The following TTC28 variants were observed in gnomAD, a reference collection of about 807,000 sequenced individuals.
TTC28 encodes the protein tetratricopeptide repeat protein 28.
A neutral mutation model predicts 198.0 loss-of-function variants in TTC28; 61 were observed. That is an observed-to-expected ratio of 0.31 (90% CI 0.25 to 0.38). The LOEUF is 0.38. Among genes scored for constraint, TTC28 ranks in the 10% least tolerant of loss-of-function variants. The pLI, the probability that TTC28 is intolerant of heterozygous loss-of-function variation, is 1.00. For missense variants in TTC28, 2,678 were observed against 3,164.0 expected (o/e 0.85, Z 3.69); for synonymous variants, 1,171 against 1,297.8 (o/e 0.90, Z 2.10).
At chr22:27,987,543 G>GT (rs1937254786) in intron 21 of TTC28, among the ~76,000 whole-genome samples, 1 of 152,202 alleles carries the variant, frequency 6.6e-6, no homozygotes, top group Admixed American at 6.5e-5. Context: ...AACAGCCTGG[G>GT]TAACATGGCG....
At chr22:28,027,856 G>A (rs17483887) in intron 13 of TTC28, among the ~76,000 whole-genome samples, 10,502 of 152,312 alleles carry the variant, frequency 0.069, 426 homozygotes, top group South Asian at 0.091. Context: ...ACCTGTTCAT[G>A]GGCAGATCTC....
chr22:28,579,370 C>T (rs1377696452), intron 2 of TTC28, among the ~76,000 whole-genome samples: 2 of 148,720 alleles, frequency 1.3e-5, no homozygotes, highest in Non-Finnish European at 3.0e-5. Flanking sequence ...CATATGACTA[C>T]ATATATAGTA....
intron 5 of TTC28, among the ~76,000 whole-genome samples, chr22:28,165,879 C>A (rs565539657): frequency 6.7e-4 from 102 of 152,272 alleles, no homozygotes; most frequent in Non-Finnish European, 1.3e-3. Flanking sequence ...AAGACACAGA[C>A]TGGCAAATTG....
chr22:28,449,585 AAATTC>A (rs2047750071), intron 2 of TTC28, among the ~76,000 whole-genome samples: 1 of 152,260 alleles, frequency 6.6e-6, no homozygotes, highest in African/African-American at 2.4e-5. Flanking sequence ...AGAAGAAAGG[AAATTC>A]AAGTCAGTCA....
At chr22:28,669,714 G>A (rs1416192694) in intron 1 of TTC28, among the ~76,000 whole-genome samples, 1 of 152,060 alleles carries the variant, frequency 6.6e-6, no homozygotes, top group African/African-American at 2.4e-5. Flanking sequence ...ACCTTAACAT[G>A]TTCACATTAC....
chr22:28,042,570 G>A (rs1420855198), intron 12 of TTC28, among the ~76,000 whole-genome samples: 6 of 152,086 alleles, frequency 3.9e-5, no homozygotes, highest in African/African-American at 1.4e-4. Flanking sequence ...ATCATACACT[G>A]GGGCTTGTCA....
intron 2 of TTC28, among the ~76,000 whole-genome samples, chr22:28,451,008 G>A (rs1431691434): frequency 6.6e-6 from 1 of 152,186 alleles, no homozygotes; most frequent in African/African-American, 2.4e-5. Context: ...AGTGTTTAAG[G>A]AGGATAAAGT....
intron 17 of TTC28, among the ~76,000 whole-genome samples, chr22:27,993,897 C>T (rs1480205040): frequency 2.0e-5 from 3 of 152,192 alleles, no homozygotes; most frequent in African/African-American, 7.2e-5. Flanking sequence ...CCTTCAGGAA[C>T]CCCCTCACTG....
intron 2 of TTC28, among the ~76,000 whole-genome samples, chr22:28,471,151 A>G (rs532455509): frequency 5.9e-4 from 90 of 152,336 alleles, no homozygotes; most frequent in Admixed American, 2.4e-3. Flanking sequence ...GTGAATAATT[A>G]TTAAAAGTCT....
chr22:28,639,268 A>C (rs1346173583), intron 1 of TTC28, among the ~76,000 whole-genome samples: 2 of 152,238 alleles, frequency 1.3e-5, no homozygotes, highest in African/African-American at 4.8e-5. Context: ...AATAAGAAAG[A>C]TTTTATACGC....
chr22:28,604,799 GAGACA>G (rs1397776665), intron 2 of TTC28, among the ~76,000 whole-genome samples: 1 of 152,022 alleles, frequency 6.6e-6, no homozygotes, highest in Non-Finnish European at 1.5e-5. Flanking sequence ...TTTATTACAG[GAGACA>G]AGACTAGTAG....
intron 2 of TTC28, among the ~76,000 whole-genome samples, chr22:28,594,815 A>G (rs1601604231): frequency 6.6e-6 from 1 of 152,336 alleles, no homozygotes; most frequent in African/African-American, 2.4e-5. Context: ...TCCGATAAAT[A>G]AGAAGGAAAG....
chr22:28,443,567 A>AT (rs57889775), intron 2 of TTC28, among the ~76,000 whole-genome samples: 179 of 146,524 alleles, frequency 1.2e-3, no homozygotes, highest in African/African-American at 2.4e-3. Context: ...GTGTGTTTAG[A>AT]TTTTTTTTTT....
In TTC28 at chr22:28,659,485, C is replaced by A. The variant is rs865941467; in HGVS notation, c.102+20137G>T. Among the ~76,000 whole-genome samples the A allele has an allele frequency of 2.7e-4, 41 of 152,264 alleles. 1 individual carries two copies. In the Middle Eastern group the frequency reaches 0.01, roughly 38 times the overall value. The stretch of plus-strand genomic sequence containing the variant: ...GGTTTTACCAGTTGGCCAGGCTAGT[C>A]TCAAACTCCTGAACTCAAGTGATCC... On this transcript the variant is annotated intron_variant, in intron 1 of 22. Transcript: ENST00000397906.
intron 1 of TTC28, among the ~76,000 whole-genome samples, chr22:28,675,631 A>G (rs188176802): frequency 1.3e-5 from 2 of 151,708 alleles, no homozygotes; most frequent in East Asian, 3.9e-4. Flanking sequence ...CTACCTGCTC[A>G]GGAGGCTCAG....
rs550150873 is a variant in TTC28 at position 28,604,885 on chromosome 22, A to G, written c.381+24667T>C. Among the ~76,000 whole-genome samples, 6 of 152,346 alleles carry G rather than the reference A, an allele frequency of 3.9e-5. No individual in the cohort carries two copies. The South Asian group carries it at 1.2e-3, about 32-fold the overall frequency. ...AAAGCGCCTATCTACATTTTAATCA[A>G]TGTCACTGTCAAGTATATATGACAA... On this transcript the variant is annotated intron_variant, in intron 2 of 22. Coordinates refer to ENST00000397906, the MANE Select transcript of TTC28 (RefSeq NM_001145418.2).
At chr22:28,408,270 G>A (rs1027150465) in intron 2 of TTC28, among the ~76,000 whole-genome samples, 29 of 152,148 alleles carry the variant, frequency 1.9e-4, no homozygotes, top group Admixed American at 6.5e-4. Context: ...GGAAGAACAC[G>A]GAGATTGAAC....
At chr22:28,186,379 T>C (rs1345074089) in intron 5 of TTC28, among the ~76,000 whole-genome samples, 1 of 152,146 alleles carries the variant, frequency 6.6e-6, no homozygotes, top group Non-Finnish European at 1.5e-5. Flanking sequence ...TAGGTCTGGT[T>C]AATGTGTCTG....
chr22:28,074,799 C>A (rs1481956464), intron 12 of TTC28, among the ~76,000 whole-genome samples: 2 of 152,186 alleles, frequency 1.3e-5, no homozygotes, highest in African/African-American at 4.8e-5. Flanking sequence ...AAGAGCTCTG[C>A]TTTTAAAAAA....
Sources: gnomAD v4.1 joint callset for allele counts (sites outside exome capture counted in the v4.1 genomes callset) on GRCh38, gnomAD v4.1.1 for gene constraint, MANE v1.5 for transcripts, NCBI Gene and HGNC (gene_info 2026-07-23, HGNC 2026-07-21) for gene names.